The following B3GALT1 variants were observed in gnomAD, a reference collection of about 807,000 sequenced individuals.
B3GALT1 encodes beta-1,3-galactosyltransferase 1, also known as UDP-Gal:betaGlcNAc beta 1,3-galactosyltransferase, polypeptide 1.
A neutral mutation model predicts 23.2 loss-of-function variants in B3GALT1; 10 were observed. The observed-to-expected ratio is 0.43, with a 90% CI of 0.27 to 0.73. The LOEUF (loss-of-function observed/expected upper bound fraction) is 0.73, where lower values mean the gene tolerates loss of function less well. Ranked by LOEUF, B3GALT1 falls within the 30% of genes least tolerant of loss-of-function variation. B3GALT1 has a pLI of 0.21. For missense variants in B3GALT1, 299 were observed against 405.4 expected (o/e 0.74, Z 2.25); for synonymous variants, 156 against 141.5 (o/e 1.10, Z -0.73).
At chr2:167,568,357 C>G (rs1039034785) in intron 2 of B3GALT1, among the ~76,000 whole-genome samples, 2 of 152,046 alleles carry the variant, frequency 1.3e-5, no homozygotes, top group African/African-American at 4.8e-5. Flanking sequence ...TTCCCAGTAG[C>G]AATGAATGAG....
intron 1 of B3GALT1, among the ~76,000 whole-genome samples, chr2:167,433,015 T>C (rs1295518684): frequency 6.6e-6 from 1 of 152,352 alleles, no homozygotes; most frequent in South Asian, 2.1e-4. Flanking sequence ...TATAATGATA[T>C]GTATCTAGCA....
At chr2:167,341,719 T>C (rs1040108445) in intron 1 of B3GALT1, among the ~76,000 whole-genome samples, 2 of 152,166 alleles carry the variant, frequency 1.3e-5, no homozygotes, top group African/African-American at 4.8e-5. Flanking sequence ...ACAATTCAGC[T>C]TTGGCTCCAA....
At chr2:167,817,687 AAG>A (rs1191915019) in intron 3 of B3GALT1, among the ~76,000 whole-genome samples, 1 of 152,290 alleles carries the variant, frequency 6.6e-6, no homozygotes, top group African/African-American at 2.4e-5. Context: ...TGCCTTTGAT[AAG>A]AGTTTTATTT....
At chr2:167,551,987 G>A (rs575614779) in intron 2 of B3GALT1, among the ~76,000 whole-genome samples, 1 of 152,300 alleles carries the variant, frequency 6.6e-6, no homozygotes, top group African/African-American at 2.4e-5. Flanking sequence ...GAGCATTTCT[G>A]TCATGTTCTA....
intron 1 of B3GALT1, among the ~76,000 whole-genome samples, chr2:167,411,999 G>A (rs1698398982): frequency 6.6e-6 from 1 of 152,048 alleles, no homozygotes; most frequent in African/African-American, 2.4e-5. Flanking sequence ...GAGCTAAAGT[G>A]TGGAGCTCAT....
At position 167,832,622 on chromosome 2, in the gene B3GALT1, C is replaced by T. The variant is rs529785443; in HGVS notation, c.-230+13829C>T. ...AAAGGCATTTGCATAACTATGCAAACATATGTCCAGTTTCTAAAACCAAAA... is the reference window on the plus strand; with the variant it reads ...AAAGGCATTTGCATAACTATGCAAATATATGTCCAGTTTCTAAAACCAAAA... On this transcript the variant is annotated intron_variant, in intron 4 of 4. Coordinates refer to ENST00000392690, the MANE Select transcript of B3GALT1 (RefSeq NM_020981.4). Among the ~76,000 whole-genome samples the T allele has an allele frequency of 6.6e-5, 10 of 152,304 alleles. No homozygotes were observed. In the South Asian group the frequency reaches 1.2e-3, roughly 19 times the overall value.
At chr2:167,447,797 C>T (rs959083165) in intron 1 of B3GALT1, among the ~76,000 whole-genome samples, 3 of 152,062 alleles carry the variant, frequency 2.0e-5, no homozygotes, top group Admixed American at 6.6e-5. Context: ...ATTCCCTGAC[C>T]CCTTGTGCTT....
At chr2:167,495,932 A>C (rs926205479) in intron 2 of B3GALT1, among the ~76,000 whole-genome samples, 1 of 152,224 alleles carries the variant, frequency 6.6e-6, no homozygotes. Flanking sequence ...CATAGAATCA[A>C]TCACAGAGCA....
chr2:167,689,880 T>C (rs1001341678), intron 3 of B3GALT1, among the ~76,000 whole-genome samples: 1 of 152,128 alleles, frequency 6.6e-6, no homozygotes, highest in Non-Finnish European at 1.5e-5. Context: ...TGCCAGGATT[T>C]CTGTTTCAAC....
intron 4 of B3GALT1, among the ~76,000 whole-genome samples, chr2:167,858,365 C>A (rs1446971895): frequency 4.2e-5 from 6 of 142,782 alleles, no homozygotes; most frequent in African/African-American, 1.0e-4. Flanking sequence ...AAAAAAAAAA[C>A]TGCTTTTGCA....
rs1444977096 is a variant in B3GALT1 at position 167,872,060 on chromosome 2, C to T, written c.*2040C>T. On this transcript the variant is annotated 3_prime_UTR_variant, in exon 5 of 5. Transcript: ENST00000392690. ...GGGACTACAGGCGCCCGCCATCACG[C>T]CCGGCTAATTTTTTTGTATTTTTAG... The T allele has an allele frequency of 6.6e-6, 1 of 151,284 alleles. No individual in the cohort carries two copies. The highest frequency in any genetic ancestry group is 1.5e-5 in the Non-Finnish European group (1 of 67,776). 9.4% of individuals were successfully genotyped at this position (151,284 alleles called of 1,614,324 possible).
At chr2:167,647,027 G>T (rs1352995792) in intron 3 of B3GALT1, among the ~76,000 whole-genome samples, 61 bp downstream of exon 3, 1 of 152,066 alleles carries the variant, frequency 6.6e-6, no homozygotes, top group Non-Finnish European at 1.5e-5. Flanking sequence ...TTGATCCTCA[G>T]TGGTCTCATC....
At chr2:167,805,956 A>G (rs1574271952) in intron 3 of B3GALT1, among the ~76,000 whole-genome samples, 1 of 151,814 alleles carries the variant, frequency 6.6e-6, no homozygotes, top group Non-Finnish European at 1.5e-5. Context: ...CTTCCTACCC[A>G]TGAGCATGGA....
intron 2 of B3GALT1, among the ~76,000 whole-genome samples, chr2:167,601,792 T>G (rs1210733406): frequency 6.6e-6 from 1 of 152,138 alleles, no homozygotes; most frequent in East Asian, 1.9e-4. Context: ...ATAAAATAAT[T>G]TATCCACAAC....
At chr2:167,364,203 C>T (rs947553732) in intron 1 of B3GALT1, among the ~76,000 whole-genome samples, 7 of 149,054 alleles carry the variant, frequency 4.7e-5, no homozygotes, top group Non-Finnish European at 8.9e-5. Flanking sequence ...AAAGAAAACT[C>T]CACTTTCAGC....
At chr2:167,730,431 A>G (rs1420033481) in intron 3 of B3GALT1, among the ~76,000 whole-genome samples, 1 of 152,112 alleles carries the variant, frequency 6.6e-6, no homozygotes, top group Non-Finnish European at 1.5e-5. Context: ...AATACCTAAT[A>G]TTTGTCTAGT....
chr2:167,440,557 A>G (rs948137326), intron 1 of B3GALT1, among the ~76,000 whole-genome samples: 1 of 152,028 alleles, frequency 6.6e-6, no homozygotes, highest in African/African-American at 2.4e-5. Flanking sequence ...AGTCTGATGC[A>G]AGTATGATTC....
chr2:167,659,614 C>CT (rs1686021116), intron 3 of B3GALT1, among the ~76,000 whole-genome samples: 1 of 151,964 alleles, frequency 6.6e-6, no homozygotes, highest in South Asian at 2.1e-4. Flanking sequence ...AAAAGTCCAC[C>CT]TGTGCTGGGC....
intron 3 of B3GALT1, among the ~76,000 whole-genome samples, chr2:167,746,563 A>G (rs1027141740): frequency 5.9e-5 from 9 of 152,218 alleles, no homozygotes; most frequent in African/African-American, 1.9e-4. Flanking sequence ...GAACAAATTT[A>G]TTTTATTGAC....
Sources: gnomAD v4.1 joint callset for allele counts (sites outside exome capture counted in the v4.1 genomes callset) on GRCh38, gnomAD v4.1.1 for gene constraint, MANE v1.5 for transcripts, NCBI Gene and HGNC (gene_info 2026-07-23, HGNC 2026-07-21) for gene names.